The following ATRX variants were observed in gnomAD, a reference collection of about 807,000 sequenced individuals.
ATRX encodes the protein chromatin remodeler ATRX.
Under a neutral mutation model 172.6 loss-of-function variants are expected in ATRX, and 12 were observed. The ratio of observed to expected loss-of-function variants is 0.07; its 90% CI spans 0.04 to 0.11. ATRX has a LOEUF of 0.11. Ranked by LOEUF, ATRX falls within the 10% of genes least tolerant of loss-of-function variation. The pLI is 1.00. For missense variants in ATRX, 1,368 were observed against 1,767.4 expected (o/e 0.77, Z 4.05); for synonymous variants, 674 against 594.7 (o/e 1.13, Z -1.94).
intron 26 of ATRX, 151 bp downstream of exon 26, chrX:77,593,545 G>C: frequency 9.3e-6 from 5 of 539,571 alleles, no homozygotes; most frequent in Non-Finnish European, 1.5e-5. Flanking sequence ...AAAAAAGATA[G>C]TTGCTTGTAT....
intron 26 of ATRX, among the ~76,000 whole-genome samples, chrX:77,591,016 C>T (rs1240265741): frequency 1.8e-5 from 2 of 112,522 alleles, no homozygotes; most frequent in East Asian, 5.5e-4. Flanking sequence ...TTCTATAACA[C>T]TTTGTCATTA....
chrX:77,522,158 A>G (rs1054784818), intron 32 of ATRX, 105 bp downstream of exon 32: 10 of 1,052,851 alleles, frequency 9.5e-6, no homozygotes, highest in Admixed American at 8.9e-5. Context: ...ATTCAGGGGT[A>G]ATCTTTTGGA....
intron 19 of ATRX, among the ~76,000 whole-genome samples, chrX:77,630,581 A>C (rs983399742): frequency 2.0e-4 from 23 of 112,270 alleles, no homozygotes; most frequent in African/African-American, 6.8e-4. Flanking sequence ...AGAAATAAAC[A>C]CATACATCTA....
chrX:77,559,203 G>A (rs2064916345), intron 28 of ATRX, among the ~76,000 whole-genome samples: 1 of 110,034 alleles, frequency 9.1e-6, no homozygotes, highest in Admixed American at 9.9e-5. Context: ...GGGGCACTAA[G>A]TACATCAAAA....
chrX:77,735,091 C>CA lies in ATRX; in HGVS notation c.21-17849dup, dbSNP rs782303700. ...TGGGTGATGGAATGAGACTCTGTCT[C>CA]AAAAAAAAATAAAATAAATAAAAAT... On this transcript the variant is annotated intron_variant, in intron 1 of 34. Coordinates refer to ENST00000373344, the MANE Select transcript of ATRX (RefSeq NM_000489.6). 2.7e-3 allele frequency among the ~76,000 whole-genome samples: 290 copies of CA among 106,309 alleles called. 1 individual carries two copies. The highest frequency in any genetic ancestry group is 9.2e-3 in the African/African-American group (269 of 29,263). 92.3% of individuals were successfully genotyped at this position (106,309 alleles called of 115,157 possible).
intron 10 of ATRX, among the ~76,000 whole-genome samples, chrX:77,667,235 T>C (rs1349721054): frequency 9.1e-6 from 1 of 109,503 alleles, no homozygotes. Flanking sequence ...CTGTCATTTC[T>C]CATGGACCAG....
chrX:77,740,546 T>C (rs1228041185), intron 1 of ATRX, among the ~76,000 whole-genome samples: 1 of 110,363 alleles, frequency 9.1e-6, no homozygotes, highest in Non-Finnish European at 1.9e-5. Context: ...GAAAGACAAT[T>C]AGAAAACCCC....
chrX:77,778,811 G>A (rs1228608201), intron 1 of ATRX, among the ~76,000 whole-genome samples: 3 of 111,460 alleles, frequency 2.7e-5, no homozygotes, highest in African/African-American at 6.5e-5. Flanking sequence ...AATAGAAAAT[G>A]CTAATATACA....
chrX:77,666,706 G>A (rs1043574194), intron 10 of ATRX, among the ~76,000 whole-genome samples: 25 of 111,632 alleles, frequency 2.2e-4, no homozygotes, highest in Non-Finnish European at 1.5e-4. Flanking sequence ...CTAAAAGTAC[G>A]AAAATTAGCT....
At chrX:77,623,136 GATAAA>G (rs1362833276) in intron 19 of ATRX, among the ~76,000 whole-genome samples, 10 of 111,288 alleles carry the variant, frequency 9.0e-5, no homozygotes, top group African/African-American at 2.9e-4. Context: ...TCCTTGAAAA[GATAAA>G]ATAAAATTGA....
chrX:77,521,912 T>A (rs782085419), intron 32 of ATRX: 1 of 230,350 alleles, frequency 4.3e-6, no homozygotes, highest in East Asian at 9.8e-5. Flanking sequence ...AGAATAGAAG[T>A]TAATGAGTAT....
chrX:77,667,904 TAC>T (rs781790630), intron 10 of ATRX, among the ~76,000 whole-genome samples: 83 of 111,765 alleles, frequency 7.4e-4, no homozygotes, highest in Non-Finnish European at 1.1e-3. Context: ...ACAAATTATA[TAC>T]AGAGTGATGG....
intron 10 of ATRX, among the ~76,000 whole-genome samples, chrX:77,672,781 G>A: frequency 9.0e-6 from 1 of 110,560 alleles, no homozygotes; most frequent in South Asian, 3.9e-4. Context: ...CAACAATAAA[G>A]TAAATGTGTT....
In ATRX at chrX:77,603,397, C is replaced by A. The variant is rs113458260; in HGVS notation, c.5567-2833G>T. ...TTTTTTTTTCCTAGATGGAGTTTCG[C>A]TCTTGTTGCCTAGGCTGGAGTACAG... On this transcript the variant is annotated intron_variant, in intron 22 of 34. Transcript: ENST00000373344. Among the ~76,000 whole-genome samples the A allele has an allele frequency of 2.0e-3, 221 of 109,028 alleles. 2 individuals carry two copies. Among genetic ancestry groups the A allele is most frequent in the African/African-American group, 6.8e-3 (204 of 29,962 alleles). The allele number at this position is 109,028 out of a possible 115,157, so 94.7% of individuals were successfully genotyped here. A position where few individuals can be genotyped will look rare whatever the true frequency, so the allele number is the denominator to read the frequency against.
chrX:77,733,904 T>C (rs142397250), intron 1 of ATRX, among the ~76,000 whole-genome samples: 334 of 94,575 alleles, frequency 3.5e-3, no homozygotes, highest in African/African-American at 0.013. Context: ...ATAAAATAAA[T>C]AAAATAAAAG....
intron 1 of ATRX, among the ~76,000 whole-genome samples, chrX:77,768,808 AAC>A (rs1441219075): frequency 3.6e-5 from 4 of 112,232 alleles, no homozygotes; most frequent in Non-Finnish European, 7.5e-5. Flanking sequence ...AATCAATGTC[AAC>A]AGTGTCCCTT....
intron 30 of ATRX, among the ~76,000 whole-genome samples, chrX:77,533,690 T>G (rs1181170561): frequency 2.7e-5 from 3 of 111,170 alleles, no homozygotes; most frequent in African/African-American, 9.8e-5. Flanking sequence ...GCTTAATACC[T>G]GGGTGATGGG....
At chrX:77,716,212 T>G (rs1169918165) in intron 2 of ATRX, among the ~76,000 whole-genome samples, 1 of 84,923 alleles carries the variant, frequency 1.2e-5, no homozygotes, top group Non-Finnish European at 2.1e-5. Flanking sequence ...GTGAGAAGAT[T>G]GCTTAAGCCC....
chrX:77,522,619 A>T (rs2063268042), intron 31 of ATRX, among the ~76,000 whole-genome samples: 1 of 111,412 alleles, frequency 9.0e-6, no homozygotes, highest in East Asian at 2.8e-4. Flanking sequence ...GAATGGGGGC[A>T]ACTCAAAGAA....
Sources: gnomAD v4.1 joint callset for allele counts (sites outside exome capture counted in the v4.1 genomes callset) on GRCh38, gnomAD v4.1.1 for gene constraint, MANE v1.5 for transcripts, NCBI Gene and HGNC (gene_info 2026-07-23, HGNC 2026-07-21) for gene names.